TIE1: variants seen among roughly 807,000 people sequenced by gnomAD.
TIE1 encodes the protein tyrosine kinase with immunoglobulin like and EGF like domains 1.
In TIE1, 89 loss-of-function variants were observed where a neutral mutation model predicts 130.5. The observed-to-expected ratio is 0.68, with a 90% CI of 0.57 to 0.81. The LOEUF (loss-of-function observed/expected upper bound fraction) is 0.81. Among genes scored for constraint, TIE1 ranks in the 40% least tolerant of loss-of-function variants. The pLI, the probability that TIE1 is intolerant of heterozygous loss-of-function variation, is 0.00. For missense variants in TIE1, 1,392 were observed against 1,559.8 expected (o/e 0.89, Z 1.81); for synonymous variants, 568 against 629.4 (o/e 0.90, Z 1.46).
rs1306787603 is a variant in TIE1 at position 43,322,692 on chromosome 1, G to A, written c.3387G>A (p.Ala1129=). 8.7e-6 allele frequency: 14 copies of A among 1,613,998 alleles called. No individual in the cohort carries two copies. The highest frequency in any genetic ancestry group is 1.7e-5 in the Admixed American group (1 of 60,008). ...NMSLFENFTY[A]GIDATAEEA ...CGCTGTTTGAGAACTTCACTTACGCGGGCATTGATGCCACAGCTGAGGAGG... is the reference window on the plus strand; with the variant it reads ...CGCTGTTTGAGAACTTCACTTACGCAGGCATTGATGCCACAGCTGAGGAGG... The change falls in exon 23 of 23, where the codon GCG becomes GCA. Residue 1129 remains alanine, a synonymous_variant. Transcript: ENST00000372476. The surrounding 1 kb of genome is among the most constrained non-coding windows in gnomAD (Gnocchi z 4.0).
In TIE1 at chr1:43,309,681, A is replaced by G. The variant is rs1483967009; in HGVS notation, c.1333+149A>G. On this transcript the variant is annotated intron_variant, in intron 9 of 22. Coordinates refer to ENST00000372476, the MANE Select transcript of TIE1 (RefSeq NM_005424.5). The surrounding 1 kb of genome is among the most constrained non-coding windows in gnomAD (Gnocchi z 6.3). ...ACAAAAAGCGGGGTTGTGGTCAACC[A>G]GAGGTCCGGGCTGGGCAGTGTCAAG... The G allele has an allele frequency of 2.6e-5, 30 of 1,176,108 alleles. No individual in the cohort carries two copies. The highest frequency in any genetic ancestry group is 3.2e-5 in the Non-Finnish European group (28 of 883,168). 72.9% of individuals were successfully genotyped at this position (1,176,108 alleles called of 1,614,324 possible).
At position 43,313,984 on chromosome 1, in the gene TIE1, C is replaced by T. The variant is rs1646833240; in HGVS notation, c.2409+16C>T. ...GTCAGGCTCGGTCAGTGACCCGCCC[C>T]GCCCCTGGGTGCATGCTTGCAGCCC... On this transcript the variant is annotated intron_variant, in intron 14 of 22. Coordinates refer to ENST00000372476, the MANE Select transcript of TIE1 (RefSeq NM_005424.5). This position sits in a 1 kb window ranked among gnomAD's most constrained non-coding sequence, Gnocchi z 6.2. 10 of 1,613,844 alleles carry T rather than the reference C, an allele frequency of 6.2e-6. No homozygotes were observed. The highest frequency in any genetic ancestry group is 1.6e-4 in the Middle Eastern group (1 of 6,082).
In TIE1 at chr1:43,317,101, G is replaced by C; in HGVS notation, c.2410-98G>C. 7.7e-7 allele frequency: 1 copy of C among 1,304,706 alleles called. No homozygotes were observed. The highest frequency in any genetic ancestry group is 1.1e-6 in the Non-Finnish European group (1 of 908,732). 80.8% of individuals were successfully genotyped at this position (1,304,706 alleles called of 1,614,324 possible). ...CCTCCATCTGGGTCTCTGCCCACTT[G>C]TCTGACACTGAAACCTCCTCGTGTG... On this transcript the variant is annotated intron_variant, in intron 14 of 22. Coordinates refer to ENST00000372476, the MANE Select transcript of TIE1 (RefSeq NM_005424.5). This position sits in a 1 kb window ranked among gnomAD's most constrained non-coding sequence, Gnocchi z 5.1.
In TIE1 at chr1:43,313,217, G is replaced by T; in HGVS notation, c.2010G>T (p.Leu670=). 6.2e-7 allele frequency: 1 copy of T among 1,613,958 alleles called. No homozygotes were observed. The highest frequency in any genetic ancestry group is 8.5e-7 in the Non-Finnish European group (1 of 1,179,910). Residue 670 remains leucine (L), a synonymous_variant, in exon 13 of 23, where the codon CTG becomes CTT. Transcript: ENST00000372476. The surrounding 1 kb of genome is among the most constrained non-coding windows in gnomAD (Gnocchi z 6.2). ...TGACATGGAAGCACCCGGAGGCTCT[G>T]CCTGGGCCAATATCCAAGTACGTTG... ...IQLTWKHPEA[L]PGPISKYVVE...
At position 43,318,406 on chromosome 1, in the gene TIE1, G is replaced by C. The variant is rs373979952; in HGVS notation, c.2922+334G>C. On this transcript the variant is annotated intron_variant, in intron 17 of 22. Coordinates refer to ENST00000372476, the MANE Select transcript of TIE1 (RefSeq NM_005424.5). This position sits in a 1 kb window ranked among gnomAD's most constrained non-coding sequence, Gnocchi z 4.4. ...TGGGCCTGGTGCGATCTGCCGGAGAGGGGGAAGGGCAGAGATCCAAGCCCA... is the reference window on the plus strand; with the variant it reads ...TGGGCCTGGTGCGATCTGCCGGAGACGGGGAAGGGCAGAGATCCAAGCCCA... 6.6e-6 allele frequency among the ~76,000 whole-genome samples: 1 copy of C among 152,208 alleles called. No homozygotes were observed. Among genetic ancestry groups the C allele is most frequent in the African/African-American group, 2.4e-5 (1 of 41,450 alleles).
At chr1:43,308,782 G>A in intron 7 of TIE1, 2 of 701,118 alleles carry the variant, frequency 2.9e-6, no homozygotes, top group East Asian at 2.8e-5. Context: ...ATCGGGAAGT[G>A]GGGAGGTGGT....
rs1233442209 is a variant in TIE1 at position 43,315,703 on chromosome 1, AGCTG to A, written c.2410-1495_2410-1492del. 6.6e-6 allele frequency among the ~76,000 whole-genome samples: 1 copy of A among 152,112 alleles called. No homozygotes were observed. Among genetic ancestry groups the A allele is most frequent in the Non-Finnish European group, 1.5e-5 (1 of 68,012 alleles). On this transcript the variant is annotated intron_variant, in intron 14 of 22. Transcript: ENST00000372476. This position sits in a 1 kb window ranked among gnomAD's most constrained non-coding sequence, Gnocchi z 4.4. The stretch of plus-strand genomic sequence containing the variant: ...AGATTCAATTGGCTTCTTTGTTCCA[AGCTG>A]TGTTGGCTCTTCCTCTGAGGTCAGT...
chr1:43,304,605 A>G (rs1265062835), intron 1 of TIE1, among the ~76,000 whole-genome samples: 2 of 152,108 alleles, frequency 1.3e-5, no homozygotes, highest in African/African-American at 4.8e-5. Context: ...TTGTTCTTTT[A>G]GAATGAAGAG....
At position 43,317,303 on chromosome 1, in the gene TIE1, C is replaced by T; in HGVS notation, c.2514C>T (p.Asp838=). The T allele has an allele frequency of 6.2e-7, 1 of 1,614,150 alleles. No homozygotes were observed. Among genetic ancestry groups the T allele is most frequent in the South Asian group, 1.1e-5 (1 of 91,084 alleles). Residue 838 remains aspartate, a synonymous_variant, in exon 15 of 23, where the codon GAC becomes GAT. Coordinates refer to ENST00000372476, the MANE Select transcript of TIE1 (RefSeq NM_005424.5). This position sits in a 1 kb window ranked among gnomAD's most constrained non-coding sequence, Gnocchi z 5.1. The part of the protein sequence containing the change: ...PLSYPVLEWE[D]ITFEDLIGEG... ...GCTACCCAGTGCTAGAGTGGGAGGA[C>T]ATCACCTTTGAGGACCTCATCGGGG... is the stretch of plus-strand genomic sequence containing the variant.
Position 43,317,946 on chromosome 1 carries a change from C to G in TIE1, c.2796C>G (p.Ser932Arg), listed in dbSNP as rs1557453353. 1 of 1,614,138 alleles carries G rather than the reference C, an allele frequency of 6.2e-7. No individual in the cohort carries two copies. The highest frequency in any genetic ancestry group is 8.5e-7 in the Non-Finnish European group (1 of 1,179,988). Residue 932 changes from serine (S) to arginine (R), a missense_variant, in exon 17 of 23, where the codon AGC becomes AGG. This residue lies in a region of TIE1 where 286 missense variants were observed against 354.4 expected (regional missense o/e 0.81). Coordinates refer to ENST00000372476, the MANE Select transcript of TIE1 (RefSeq NM_005424.5). This position sits in a 1 kb window ranked among gnomAD's most constrained non-coding sequence, Gnocchi z 5.1. ...ACCTGCTAGATTTTCTGCGGAAAAG[C>G]CGGGTCCTAGAGACTGACCCAGCTT... ...YGNLLDFLRK[S>R]RVLETDPAFA...
intron 14 of TIE1, chr1:43,314,184 G>A (rs535298865): frequency 8.4e-4 from 603 of 718,346 alleles, no homozygotes; most frequent in Non-Finnish European, 1.3e-3. Context: ...TTATATTAGT[G>A]GTGAAATATT....
At chr1:43,321,373 G>C (rs367577841) in intron 20 of TIE1, 23 bp from the exon 21 acceptor site, 7 of 1,613,818 alleles carry the variant, frequency 4.3e-6, no homozygotes, top group Non-Finnish European at 5.9e-6. Context: ...CCTGGACCGA[G>C]AGCACTTTGT....
rs1288617426 is a variant in TIE1, at chr1:43,312,083, G to A, written c.1582G>A (p.Gly528Arg). 1 of 1,600,178 alleles carries A rather than the reference G, an allele frequency of 6.2e-7. No individual in the cohort carries two copies. Among genetic ancestry groups the A allele is most frequent in the Admixed American group, 1.7e-5 (1 of 58,832 alleles). The change falls in exon 11 of 23, where the codon GGA (glycine) becomes AGA (arginine). Residue 528 changes from glycine to arginine, a missense_variant. Around this residue, in one of 6 missense-constraint regions of TIE1, gnomAD observed 551 missense variants for 565.5 expected, o/e 0.97. Coordinates refer to ENST00000372476, the MANE Select transcript of TIE1 (RefSeq NM_005424.5). This position sits in a 1 kb window ranked among gnomAD's most constrained non-coding sequence, Gnocchi z 5.6. ...GCAGCTGAGCCGGCCAGGGGAAGGAGGAGAGGGGGCCTGGGGGCCTCCCAC... is the reference window on the plus strand; with the variant it reads ...GCAGCTGAGCCGGCCAGGGGAAGGAAGAGAGGGGGCCTGGGGGCCTCCCAC... ...RVQLSRPGEG[G>R]EGAWGPPTLM...
chr1:43,314,047 T>G, intron 14 of TIE1, 79 bp downstream of exon 14: 1 of 1,421,118 alleles, frequency 7.0e-7, no homozygotes, highest in Non-Finnish European at 9.9e-7. Flanking sequence ...CAATACCTTG[T>G]ACACCTTGTG....
In TIE1 at chr1:43,301,033, C is replaced by A. The variant is rs755049754; in HGVS notation, c.-39C>A. The A allele has an allele frequency of 1.9e-6, 3 of 1,611,388 alleles. No individual in the cohort carries two copies. Among genetic ancestry groups the A allele is most frequent in the Non-Finnish European group, 2.5e-6 (3 of 1,178,234 alleles). ...CAGGCCCACAGCATCTGACCCCAGG[C>A]CCAGCTCGTCCTGGCTGGCCTGGGT... is the stretch of plus-strand genomic sequence containing the variant. On this transcript the variant is annotated 5_prime_UTR_variant, in exon 1 of 23. Coordinates refer to ENST00000372476, the MANE Select transcript of TIE1 (RefSeq NM_005424.5).
In TIE1 at chr1:43,306,128, G is replaced by A. The variant is rs570864257; in HGVS notation, c.485-712G>A. Among the ~76,000 whole-genome samples the A allele has an allele frequency of 1.2e-4, 18 of 152,338 alleles. No homozygotes were observed. The highest frequency in any genetic ancestry group is 4.1e-4 in the African/African-American group (17 of 41,568). ...CAGCGACTGGAGCACTCTTCTAAGA[G>A]GGAGAGGCTCAGGGGAGAGACCCTA... On this transcript the variant is annotated intron_variant, in intron 3 of 22. Coordinates refer to ENST00000372476, the MANE Select transcript of TIE1 (RefSeq NM_005424.5). The surrounding 1 kb of genome is among the most constrained non-coding windows in gnomAD (Gnocchi z 4.9).
In TIE1 at chr1:43,307,824, T is replaced by A; in HGVS notation, c.942T>A (p.Asp314Glu). 6.2e-7 allele frequency: 1 copy of A among 1,614,176 alleles called. No homozygotes were observed. Among genetic ancestry groups the A allele is most frequent in the Non-Finnish European group, 8.5e-7 (1 of 1,180,032 alleles). The change falls in exon 7 of 23, where the codon GAT becomes GAA. Residue 314 changes from aspartate (D) to glutamate (E), a missense_variant. This residue lies in a region of TIE1 where 28 missense variants were observed against 54.7 expected (regional missense o/e 0.51). Transcript: ENST00000372476. This position sits in a 1 kb window ranked among gnomAD's most constrained non-coding sequence, Gnocchi z 5.4. Reference protein sequence around the residue: ...EACAPGHFGADCRLQCQCQNG... With the variant: ...EACAPGHFGAECRLQCQCQNG... ...GTGCCCCTGGTCATTTTGGGGCTGATTGCCGACTCCAGTGCCAGTGTCAGA... is the reference window on the plus strand; with the variant it reads ...GTGCCCCTGGTCATTTTGGGGCTGAATGCCGACTCCAGTGCCAGTGTCAGA...
Position 43,311,728 on chromosome 1 carries a change from T to G in TIE1, c.1391T>G (p.Val464Gly). The G allele has an allele frequency of 3.7e-6, 6 of 1,614,106 alleles. No individual in the cohort carries two copies. The highest frequency in any genetic ancestry group is 5.1e-6 in the Non-Finnish European group (6 of 1,180,010). ...CTGACCAAGCAGAGCCGCCAGCTTG[T>G]GGTCTCCCCGCTGGTCTCGTTCTCT... ...RLLTKQSRQL[V>G]VSPLVSFSGD... Residue 464 changes from valine to glycine, a missense_variant, in exon 10 of 23, where the codon GTG becomes GGG. Physicochemically the swap from Val to Gly is moderately radical, Grantham distance 109. Coordinates refer to ENST00000372476, the MANE Select transcript of TIE1 (RefSeq NM_005424.5).
Position 43,313,980 on chromosome 1 carries a change from G to T in TIE1, c.2409+12G>T. ...ACCAGTCAGGCTCGGTCAGTGACCC[G>T]CCCCGCCCCTGGGTGCATGCTTGCA... On this transcript the variant is annotated intron_variant, in intron 14 of 22. Transcript: ENST00000372476. This position sits in a 1 kb window ranked among gnomAD's most constrained non-coding sequence, Gnocchi z 6.2. 6.2e-7 allele frequency: 1 copy of T among 1,613,890 alleles called. No homozygotes were observed. Among genetic ancestry groups the T allele is most frequent in the Non-Finnish European group, 8.5e-7 (1 of 1,179,908 alleles).
Sources: allele counts gnomAD v4.1 joint callset (sites outside exome capture counted in the v4.1 genomes callset), GRCh38; gene constraint gnomAD v4.1.1; regional missense constraint gnomAD v4.1.1; non-coding constraint Gnocchi (gnomAD v3.1); transcripts MANE v1.5; gene names NCBI Gene and HGNC (gene_info 2026-07-23, HGNC 2026-07-21).